The following ACAD11 variants were observed in gnomAD, a reference collection of about 807,000 sequenced individuals.
The protein encoded by ACAD11 is acyl-CoA dehydrogenase family member 11.
Under a neutral mutation model 102.2 loss-of-function variants are expected in ACAD11, and 83 were observed. That is an observed-to-expected ratio of 0.81 (90% CI 0.68 to 0.97). The LOEUF is 0.97. Ranked by LOEUF, ACAD11 falls within the 50% of genes least tolerant of loss-of-function variation. The probability of loss-of-function intolerance (pLI) is 0.00; values close to 1 mark genes in which losing one functional copy is unlikely to be tolerated. For synonymous variants in ACAD11, 324 were observed against 319.8 expected (o/e 1.01, Z -0.14); for missense variants, 901 against 951.7 (o/e 0.95, Z 0.70).
intron 13 of ACAD11, among the ~76,000 whole-genome samples, chr3:132,589,231 G>A (rs1284485641): frequency 6.6e-6 from 1 of 152,132 alleles, no homozygotes; most frequent in African/African-American, 2.4e-5. Context: ...CTAATTAATG[G>A]TGTTGTGTAA....
chr3:132,562,925 C>A (rs1275840033), intron 17 of ACAD11, among the ~76,000 whole-genome samples: 2 of 152,122 alleles, frequency 1.3e-5, no homozygotes, highest in East Asian at 3.8e-4. Flanking sequence ...GATTTTTCCA[C>A]TATGTTTTCT....
chr3:132,574,634 A>T (rs1937478918), intron 17 of ACAD11, among the ~76,000 whole-genome samples: 1 of 152,234 alleles, frequency 6.6e-6, no homozygotes. Flanking sequence ...ATGTGCAGCA[A>T]ACACAAATAC....
intron 1 of ACAD11, among the ~76,000 whole-genome samples, chr3:132,648,194 AC>A (rs1243160332): frequency 6.6e-6 from 1 of 152,062 alleles, no homozygotes; most frequent in East Asian, 1.9e-4. Flanking sequence ...AGTTGAAAGA[AC>A]CCTCTACACT....
intron 17 of ACAD11, among the ~76,000 whole-genome samples, chr3:132,567,205 C>G (rs1937238347): frequency 6.6e-6 from 1 of 152,136 alleles, no homozygotes. Flanking sequence ...TCTCAAACTC[C>G]TGACCTCAAA....
intron 13 of ACAD11, among the ~76,000 whole-genome samples, chr3:132,590,402 C>T (rs1382966908): frequency 6.6e-6 from 1 of 152,110 alleles, no homozygotes; most frequent in Admixed American, 6.6e-5. Flanking sequence ...GGATTACAGG[C>T]ATGGCCACCA....
At chr3:132,568,883 T>C (rs115750212) in intron 17 of ACAD11, among the ~76,000 whole-genome samples, 4,210 of 136,278 alleles carry the variant, frequency 0.031, 85 homozygotes, top group Non-Finnish European at 0.047. Flanking sequence ...CAGACACAAA[T>C]GTAAAATGTG....
chr3:132,603,055 A>G (rs747886655), intron 13 of ACAD11, among the ~76,000 whole-genome samples, 174 bp downstream of exon 13: 6 of 152,132 alleles, frequency 3.9e-5, no homozygotes, highest in African/African-American at 7.2e-5. Context: ...CACCTGCCTC[A>G]GCCTCCCAAA....
chr3:132,649,846 C>T (rs1188431506), intron 1 of ACAD11: 5 of 152,236 alleles, frequency 3.3e-5, no homozygotes, highest in African/African-American at 1.2e-4. Context: ...AGGATAACAA[C>T]CAGCCCGGCA....
At chr3:132,641,569 A>G (rs200643461) in intron 4 of ACAD11, among the ~76,000 whole-genome samples, 1 of 122,062 alleles carries the variant, frequency 8.2e-6, no homozygotes, top group African/African-American at 3.6e-5. Flanking sequence ...ATGAAGAAGA[A>G]GAAGAAGAAG....
intron 7 of ACAD11, 33 bp downstream of exon 7, chr3:132,630,404 A>T: frequency 1.9e-6 from 3 of 1,597,908 alleles, no homozygotes; most frequent in Non-Finnish European, 2.6e-6. Context: ...CTGGTAAATA[A>T]TGGCGAAACA....
chr3:132,605,255 T>C (rs1461974360), intron 11 of ACAD11, 50 bp from the exon 12 acceptor site: 3 of 1,381,764 alleles, frequency 2.2e-6, no homozygotes, highest in South Asian at 1.2e-5. Flanking sequence ...TTTATCAGTA[T>C]GAAATCCACA....
At chr3:132,591,416 A>G (rs1441012154) in intron 13 of ACAD11, among the ~76,000 whole-genome samples, 1 of 152,134 alleles carries the variant, frequency 6.6e-6, no homozygotes, top group Non-Finnish European at 1.5e-5. Flanking sequence ...GGCAATCAAG[A>G]ACATCTGGGT....
chr3:132,619,468 C>G lies in ACAD11; in HGVS notation c.1275G>C (p.Lys425Asn). 6.4e-7 allele frequency: 1 copy of G among 1,573,574 alleles called. No homozygotes were observed. Among genetic ancestry groups the G allele is most frequent in the Non-Finnish European group, 8.6e-7 (1 of 1,163,640 alleles). Residue 425 changes from lysine to asparagine, a missense_variant and splice_region_variant, in exon 10 of 20, where the codon AAG becomes AAC. Coordinates refer to ENST00000264990, the MANE Select transcript of ACAD11 (RefSeq NM_032169.5). The stretch of plus-strand genomic sequence containing the variant: ...TTTCTAGCGTTAAAGATTTTCTTAC[C>G]TTGAGTTTATCAATCACTAAAGGTT... ...WGKPLVIDKL[K>N]EMAKVEGLWN...
intron 11 of ACAD11, among the ~76,000 whole-genome samples, chr3:132,616,776 G>A (rs540343778): frequency 1.3e-4 from 20 of 152,270 alleles, no homozygotes; most frequent in Non-Finnish European, 2.1e-4. Flanking sequence ...ACACAGTTGA[G>A]ATGAAATCTT....
At position 132,626,720 on chromosome 3, in the gene ACAD11, T is replaced by C. The variant is rs1341286414; in HGVS notation, c.1168A>G (p.Met390Val). ...QEVLIKVKHF[M>V]KQHILPAEKE... Reference sequence around the variant, plus strand: ...TCAGCTGGAAGAATGTGTTGTTTCATGAAATGCTTCACCTTAATAAGAACT... The same window carrying C: ...TCAGCTGGAAGAATGTGTTGTTTCACGAAATGCTTCACCTTAATAAGAACT... The change falls in exon 9 of 20, where the codon ATG (methionine) becomes GTG (valine). Residue 390 changes from methionine (M) to valine (V), a missense_variant. Met to Val is a conservative substitution (Grantham distance 21). Coordinates refer to ENST00000264990, the MANE Select transcript of ACAD11 (RefSeq NM_032169.5). The C allele has an allele frequency of 6.2e-7, 1 of 1,613,796 alleles. No individual in the cohort carries two copies. Among genetic ancestry groups the C allele is most frequent in the African/African-American group, 1.3e-5 (1 of 75,044 alleles).
In ACAD11 at chr3:132,642,068, C is replaced by T. The variant is rs1260794345; in HGVS notation, c.441G>A (p.Val147=). Reference sequence around the variant, plus strand: ...ACTGAGCCAATGTTTCTACCGTGGCCACATATATGGCTGAACGTTCTGCTG... The same window carrying T: ...ACTGAGCCAATGTTTCTACCGTGGCTACATATATGGCTGAACGTTCTGCTG... ...LSPAERSAIY[V]ATVETLAQLH... is the part of the protein sequence containing the mutation. Residue 147 remains valine, a synonymous_variant, in exon 4 of 20, where the codon GTG becomes GTA. Coordinates refer to ENST00000264990, the MANE Select transcript of ACAD11 (RefSeq NM_032169.5). The T allele has an allele frequency of 6.2e-7, 1 of 1,613,972 alleles. No homozygotes were observed. Among genetic ancestry groups the T allele is most frequent in the Non-Finnish European group, 8.5e-7 (1 of 1,179,942 alleles).
Position 132,634,159 on chromosome 3 carries a change from G to A in ACAD11, c.703-2680C>T, listed in dbSNP as rs144376128. 1.5e-4 allele frequency among the ~76,000 whole-genome samples: 23 copies of A among 152,248 alleles called. No homozygotes were observed. The East Asian group carries it at 4.3e-3, about 28-fold the overall frequency. Reference sequence around the variant, plus strand: ...GAGAACATGTGCAATCTACCTATCTGACAAAGGGCTAATATCCAGAATCTA... The same window carrying A: ...GAGAACATGTGCAATCTACCTATCTAACAAAGGGCTAATATCCAGAATCTA... On this transcript the variant is annotated intron_variant, in intron 5 of 19. Transcript: ENST00000264990.
In ACAD11 at chr3:132,558,918, A is replaced by T; in HGVS notation, c.*53T>A. On this transcript the variant is annotated 3_prime_UTR_variant, in exon 20 of 20. Transcript: ENST00000264990. ...TGAGATTCAAATGTTGGAGCCAATG[A>T]AGTTTGTATAAAGGAGAGTTTCTGC... is the stretch of plus-strand genomic sequence containing the variant. 7.7e-7 allele frequency: 1 copy of T among 1,293,542 alleles called. No homozygotes were observed. The allele number at this position is 1,293,542 out of a possible 1,614,324, so 80.1% of individuals were successfully genotyped here. A position where few individuals can be genotyped will look rare whatever the true frequency, so the allele number is the denominator to read the frequency against.
intron 5 of ACAD11, among the ~76,000 whole-genome samples, chr3:132,637,296 T>C (rs1940311901): frequency 7.2e-5 from 11 of 152,132 alleles, no homozygotes; most frequent in Admixed American, 7.2e-4. Flanking sequence ...CATACATCTA[T>C]AGTCAAAAAA....
Sources: gnomAD v4.1 joint callset for allele counts (sites outside exome capture counted in the v4.1 genomes callset) on GRCh38, gnomAD v4.1.1 for gene constraint, MANE v1.5 for transcripts, NCBI Gene and HGNC (gene_info 2026-07-23, HGNC 2026-07-21) for gene names.